The following USP51 variants were observed in gnomAD, a reference collection of about 807,000 sequenced individuals.
The protein encoded by USP51 is ubiquitin specific peptidase 51, also known as ubiquitin carboxyl-terminal hydrolase 51.
USP51 carries 5 observed loss-of-function variants against 17.6 expected under a neutral mutation model. That is an observed-to-expected ratio of 0.28 (90% confidence interval 0.15 to 0.60). USP51 has a LOEUF of 0.60. Ranked by LOEUF, USP51 falls within the 20% of genes least tolerant of loss-of-function variation. USP51 has a pLI of 0.88. For missense variants in USP51, 459 were observed against 559.5 expected (o/e 0.82, Z 1.81); for synonymous variants, 248 against 216.1 (o/e 1.15, Z -1.29).
In USP51 at chrX:55,487,079, T is replaced by C; in HGVS notation, c.1861A>G (p.Met621Val). 3.3e-6 allele frequency: 4 copies of C among 1,212,066 alleles called. No homozygotes were observed. The highest frequency in any genetic ancestry group is 4.5e-6 in the Non-Finnish European group (4 of 895,588). Residue 621 changes from methionine (M) to valine (V), a missense_variant, in exon 3 of 3, where the codon ATG (methionine) becomes GTG (valine). This residue lies in a region of USP51 where 227 missense variants were observed against 365.5 expected (regional missense o/e 0.62). Coordinates refer to ENST00000500968, the MANE Select transcript of USP51 (RefSeq NM_201286.4). ...TFISFPLELD[M>V]TPFLASTKES... Reference sequence around the variant, plus strand: ...TTAGTAGAGGCCAAAAACGGAGTCATGTCCAGCTCCAAGGGAAAGGAGATA... The same window carrying C: ...TTAGTAGAGGCCAAAAACGGAGTCACGTCCAGCTCCAAGGGAAAGGAGATA...
rs2031328026 is a variant in USP51 at position 55,486,997 on chromosome X, T to G, written c.1943A>C (p.Lys648Thr). Residue 648 changes from lysine to threonine, a missense_variant, in exon 3 of 3, where the codon AAG becomes ACG. Physicochemically the swap from Lys to Thr is moderately conservative, Grantham distance 78. Coordinates refer to ENST00000500968, the MANE Select transcript of USP51 (RefSeq NM_201286.4). ...ATTAATCACTGCAAACAAGGAATAC[T>G]TATTCTCATTGGGCACACAATCTGT... Reference protein sequence around the residue: ...PPTDCVPNENKYSLFAVINHH... With the variant: ...PPTDCVPNENTYSLFAVINHH... 1 of 1,210,293 alleles carries G rather than the reference T, an allele frequency of 8.3e-7. No homozygotes were observed. Among genetic ancestry groups the G allele is most frequent in the African/African-American group, 1.7e-5 (1 of 57,192 alleles).
chrX:55,488,862 A>G lies in USP51; in HGVS notation c.78T>C (p.Ser26=), dbSNP rs772785133. The G allele has an allele frequency of 4.1e-6, 5 of 1,208,813 alleles. No homozygotes were observed. The South Asian group carries it at 7.1e-5, about 17-fold the overall frequency. The part of the protein sequence containing the change: ...RWISGGGGGA[S]PEEAVEKAGK... ...CCGCCTTCTCAACCGCCTCCTCAGG[A>G]GAGGCTCCTCCCCCACCTCCGGAGA... Residue 26 remains serine (S), a synonymous_variant, in exon 3 of 3, where the codon TCT becomes TCC. Coordinates refer to ENST00000500968, the MANE Select transcript of USP51 (RefSeq NM_201286.4).
Position 55,488,174 on chromosome X carries a change from CA to C in USP51, c.765del (p.Phe255LeufsTer20). On this transcript the variant is annotated frameshift_variant, in exon 3 of 3. Coordinates refer to ENST00000500968, the MANE Select transcript of USP51 (RefSeq NM_201286.4). LOFTEE classifies it low-confidence loss of function (END_TRUNC). ...TGAATATGTTTCTCAGTGAAGCAGCCAAAAAAGACACAGGAGAGACAAGAGT... is the reference window on the plus strand; with the variant it reads ...TGAATATGTTTCTCAGTGAAGCAGCCAAAAAGACACAGGAGAGACAAGAGT... The part of the protein sequence containing the change: ...RLHSCLSCVF[F>X]GCFTEKHIHK... The C allele has an allele frequency of 8.3e-7, 1 of 1,210,633 alleles. No individual in the cohort carries two copies. The highest frequency in any genetic ancestry group is 1.1e-6 in the Non-Finnish European group (1 of 895,181).
At position 55,488,987 on chromosome X, in the gene USP51, G is replaced by C. The variant is rs2031381552; in HGVS notation, c.-48C>G. The C allele has an allele frequency of 8.6e-6, 10 of 1,164,047 alleles. No individual in the cohort carries two copies. The highest frequency in any genetic ancestry group is 1.2e-5 in the Non-Finnish European group (10 of 869,441). The stretch of plus-strand genomic sequence containing the variant: ...AGCAAGGCGTCTGGAAAACAGCTGC[G>C]ACTGTAGATGAAAGGAGACAGAGAC... On this transcript the variant is annotated splice_region_variant and 5_prime_UTR_variant, in exon 3 of 3. Coordinates refer to ENST00000500968, the MANE Select transcript of USP51 (RefSeq NM_201286.4).
chrX:55,488,947 C>T lies in USP51; in HGVS notation c.-8G>A, dbSNP rs1390659180. On this transcript the variant is annotated 5_prime_UTR_variant, in exon 3 of 3. In the 5' UTR this introduces an upstream ATG that the reference lacks. Coordinates refer to ENST00000500968, the MANE Select transcript of USP51 (RefSeq NM_201286.4). ...TTCTCGAACCTGGGCCATCAGATCACTCCCCGACCTGAGGAGCAAGGCGTC... is the reference window on the plus strand; with the variant it reads ...TTCTCGAACCTGGGCCATCAGATCATTCCCCGACCTGAGGAGCAAGGCGTC... 14 of 1,197,262 alleles carry T rather than the reference C, an allele frequency of 1.2e-5. No homozygotes were observed. Among genetic ancestry groups the T allele is most frequent in the African/African-American group, 7.0e-5 (4 of 56,975 alleles).
In USP51 at chrX:55,485,444, G is replaced by T. The variant is rs1252761358; in HGVS notation, c.*1360C>A. The T allele has an allele frequency of 4.7e-5, 5 of 107,489 alleles. No homozygotes were observed. Among genetic ancestry groups the T allele is most frequent in the Admixed American group, 2.0e-4 (2 of 9,959 alleles). The allele number at this position is 107,489 out of a possible 1,213,427, so 8.9% of individuals were successfully genotyped here. On this transcript the variant is annotated 3_prime_UTR_variant, in exon 3 of 3. Coordinates refer to ENST00000500968, the MANE Select transcript of USP51 (RefSeq NM_201286.4). ...CAGCCATTTCACAATTGGATGGTAA[G>T]ATAATGATTAAAATGTCTATTTCCT...
chrX:55,488,299 A>G lies in USP51; in HGVS notation c.641T>C (p.Ile214Thr). Reference protein sequence around the residue: ...GKNWQKNLRLIYQRFVWSGTP... With the variant: ...GKNWQKNLRLTYQRFVWSGTP... Reference sequence around the variant, plus strand: ...CCCACTCCAAACGAAACGCTGGTAGATCAACCTCAGGTTCTTCTGCCAGTT... The same window carrying G: ...CCCACTCCAAACGAAACGCTGGTAGGTCAACCTCAGGTTCTTCTGCCAGTT... The change falls in exon 3 of 3, where the codon ATC becomes ACC. Residue 214 changes from isoleucine to threonine, a missense_variant. Coordinates refer to ENST00000500968, the MANE Select transcript of USP51 (RefSeq NM_201286.4). The G allele has an allele frequency of 8.3e-7, 1 of 1,212,044 alleles. No individual in the cohort carries two copies. The highest frequency in any genetic ancestry group is 1.1e-6 in the Non-Finnish European group (1 of 895,525).
In USP51 at chrX:55,487,121, G is replaced by C; in HGVS notation, c.1819C>G (p.Arg607Gly). The C allele has an allele frequency of 2.5e-6, 3 of 1,211,474 alleles. No homozygotes were observed. Among genetic ancestry groups the C allele is most frequent in the Non-Finnish European group, 3.4e-6 (3 of 895,419 alleles). The change falls in exon 3 of 3, where the codon CGA becomes GGA. Residue 607 changes from arginine to glycine, a missense_variant. This residue lies in a region of USP51 where 227 missense variants were observed against 365.5 expected (regional missense o/e 0.62). Transcript: ENST00000500968. The part of the protein sequence containing the change: ...KRFEHVGKQR[R>G]KINTFISFPL... ...AAGGAGATAAAGGTATTAATCTTTC[G>C]CCTCTGTTTGCCTACATGCTCAAAC...
rs1358663748 is a variant in USP51, at chrX:55,485,461, C to T, written c.*1343G>A. 9.3e-6 allele frequency: 1 copy of T among 107,090 alleles called. No individual in the cohort carries two copies. The highest frequency in any genetic ancestry group is 3.4e-5 in the African/African-American group (1 of 29,402). The allele number at this position is 107,090 out of a possible 1,213,427, so 8.8% of individuals were successfully genotyped here. On this transcript the variant is annotated 3_prime_UTR_variant, in exon 3 of 3. Coordinates refer to ENST00000500968, the MANE Select transcript of USP51 (RefSeq NM_201286.4). ...GATGGTAAGATAATGATTAAAATGT[C>T]TATTTCCTTTTCCAACGTATATTGA... is the stretch of plus-strand genomic sequence containing the variant.
At position 55,488,053 on chromosome X, in the gene USP51, T is replaced by C. The variant is rs201140502; in HGVS notation, c.887A>G (p.Asp296Gly). 5.0e-5 allele frequency: 60 copies of C among 1,210,194 alleles called. No individual in the cohort carries two copies. Among genetic ancestry groups the C allele is most frequent in the Non-Finnish European group, 6.7e-5 (60 of 895,152 alleles). ...FMCKDYVYDK[D>G]IEQIAKETKE... is the part of the protein sequence containing the mutation. Reference sequence around the variant, plus strand: ...TGTTTCTTTGGCAATCTGTTCTATGTCTTTGTCATATACATAATCCTTACA... The same window carrying C: ...TGTTTCTTTGGCAATCTGTTCTATGCCTTTGTCATATACATAATCCTTACA... Residue 296 changes from aspartate to glycine, a missense_variant, in exon 3 of 3, where the codon GAC (aspartate) becomes GGC (glycine). Asp to Gly is a moderately conservative substitution (Grantham distance 94, BLOSUM62 -1). Around this residue, in one of 2 missense-constraint regions of USP51, gnomAD observed 227 missense variants for 365.5 expected, o/e 0.62. Transcript: ENST00000500968.
chrX:55,485,274 A>T lies in USP51; in HGVS notation c.*1530T>A, dbSNP rs2031297450. The T allele has an allele frequency of 9.0e-6, 1 of 111,616 alleles. No homozygotes were observed. Among genetic ancestry groups the T allele is most frequent in the Admixed American group, 9.5e-5 (1 of 10,493 alleles). 9.2% of individuals were successfully genotyped at this position (111,616 alleles called of 1,213,427 possible). On this transcript the variant is annotated 3_prime_UTR_variant, in exon 3 of 3. Coordinates refer to ENST00000500968, the MANE Select transcript of USP51 (RefSeq NM_201286.4). ...AGCTAAGAATTTGTATGAATAATGC[A>T]GTTCTAAATGGGAAAGTCCCTAATG...
At position 55,487,085 on chromosome X, in the gene USP51, G is replaced by C; in HGVS notation, c.1855C>G (p.Leu619Val). 1 of 1,211,916 alleles carries C rather than the reference G, an allele frequency of 8.3e-7. No homozygotes were observed. The highest frequency in any genetic ancestry group is 1.7e-5 in the African/African-American group (1 of 57,807). Residue 619 changes from leucine (L) to valine (V), a missense_variant, in exon 3 of 3, where the codon CTG becomes GTG. Physicochemically the swap from Leu to Val is conservative, Grantham distance 32 (BLOSUM62 1). Coordinates refer to ENST00000500968, the MANE Select transcript of USP51 (RefSeq NM_201286.4). ...INTFISFPLELDMTPFLASTK... is the reference protein window; with the variant it reads ...INTFISFPLEVDMTPFLASTK... ...GAGGCCAAAAACGGAGTCATGTCCA[G>C]CTCCAAGGGAAAGGAGATAAAGGTA... is the stretch of plus-strand genomic sequence containing the variant.
Position 55,488,055 on chromosome X carries a change from T to C in USP51, c.885A>G (p.Lys295=), listed in dbSNP as rs780525772. 3 of 1,211,804 alleles carry C rather than the reference T, an allele frequency of 2.5e-6. No individual in the cohort carries two copies. The Admixed American group carries it at 6.5e-5, about 26-fold the overall frequency. The change falls in exon 3 of 3, where the codon AAA becomes AAG. Residue 295 remains lysine (K), a synonymous_variant. Coordinates refer to ENST00000500968, the MANE Select transcript of USP51 (RefSeq NM_201286.4). ...TTTCTTTGGCAATCTGTTCTATGTC[T>C]TTGTCATATACATAATCCTTACACA... The part of the protein sequence containing the change: ...CFMCKDYVYD[K]DIEQIAKETK...
Position 55,486,759 on chromosome X carries a change from C to T in USP51, c.*45G>A, listed in dbSNP as rs2031324033. 1 of 1,150,837 alleles carries T rather than the reference C, an allele frequency of 8.7e-7. No homozygotes were observed. Among genetic ancestry groups the T allele is most frequent in the Admixed American group, 2.8e-5 (1 of 36,289 alleles). 94.8% of individuals were successfully genotyped at this position (1,150,837 alleles called of 1,213,427 possible). A position where few individuals can be genotyped will look rare whatever the true frequency, so the allele number is the denominator to read the frequency against. On this transcript the variant is annotated 3_prime_UTR_variant, in exon 3 of 3. Transcript: ENST00000500968. ...TAGGTCTGTGTGTCACTTCAAAATC[C>T]TTGCCTAATCATTTACTTTTTTTTC... is the stretch of plus-strand genomic sequence containing the variant.
In USP51 at chrX:55,486,659, G is replaced by T; in HGVS notation, c.*145C>A. 1.2e-6 allele frequency: 1 copy of T among 804,662 alleles called. No individual in the cohort carries two copies. Among genetic ancestry groups the T allele is most frequent in the Non-Finnish European group, 1.7e-6 (1 of 585,752 alleles). 66.3% of individuals were successfully genotyped at this position (804,662 alleles called of 1,213,427 possible). On this transcript the variant is annotated 3_prime_UTR_variant, in exon 3 of 3. Coordinates refer to ENST00000500968, the MANE Select transcript of USP51 (RefSeq NM_201286.4). ...ATTTTTTTCTTCCGACAGACCCATGGGCCATGCTAAAATAGGTTCTTTATA... is the reference window on the plus strand; with the variant it reads ...ATTTTTTTCTTCCGACAGACCCATGTGCCATGCTAAAATAGGTTCTTTATA...
In USP51 at chrX:55,486,955, T is replaced by C. The variant is rs1351383078; in HGVS notation, c.1985A>G (p.Glu662Gly). The change falls in exon 3 of 3, where the codon GAA (glutamate) becomes GGA (glycine). Residue 662 changes from glutamate to glycine, a missense_variant. By Grantham distance (98) the Glu-to-Gly change is moderately conservative. Coordinates refer to ENST00000500968, the MANE Select transcript of USP51 (RefSeq NM_201286.4). The part of the protein sequence containing the change: ...FAVINHHGTL[E>G]SGHYTSFIRQ... ...GATGAAGCTGGTATAGTGGCCACTT[T>C]CCAAAGTTCCATGGTGATTAATCAC... 1 of 1,209,945 alleles carries C rather than the reference T, an allele frequency of 8.3e-7. No homozygotes were observed. The highest frequency in any genetic ancestry group is 1.1e-6 in the Non-Finnish European group (1 of 895,239).
At position 55,488,465 on chromosome X, in the gene USP51, T is replaced by C. The variant is rs1236116200; in HGVS notation, c.475A>G (p.Arg159Gly). Residue 159 changes from arginine (R) to glycine (G), a missense_variant, in exon 3 of 3, where the codon AGG (arginine) becomes GGG (glycine). Physicochemically the swap from Arg to Gly is moderately radical, Grantham distance 125. Around this residue, in one of 2 missense-constraint regions of USP51, gnomAD observed 232 missense variants for 194.0 expected, o/e 1.20. Coordinates refer to ENST00000500968, the MANE Select transcript of USP51 (RefSeq NM_201286.4). ...GSRRRSRPGSRPQTRRSCSGD... is the reference protein window; with the variant it reads ...GSRRRSRPGSGPQTRRSCSGD... ...GAGCAGCTTCTCCGTGTCTGAGGCCTGGACCCAGGCCGGGATCTGCGCCGG... is the reference window on the plus strand; with the variant it reads ...GAGCAGCTTCTCCGTGTCTGAGGCCCGGACCCAGGCCGGGATCTGCGCCGG... The C allele has an allele frequency of 4.1e-6, 5 of 1,205,759 alleles. No homozygotes were observed. The Admixed American group carries it at 6.6e-5, about 16-fold the overall frequency.
chrX:55,487,369 G>A lies in USP51; in HGVS notation c.1571C>T (p.Thr524Ile). Residue 524 changes from threonine to isoleucine, a missense_variant, in exon 3 of 3, where the codon ACA becomes ATA. Transcript: ENST00000500968. ...ISLDLPGSCATFDSQNPERAD... is the reference protein window; with the variant it reads ...ISLDLPGSCAIFDSQNPERAD... ...CCTCTCTGGGTTCTGGGAATCGAAT[G>A]TGGCACAAGAGCCAGGCAAGTCCAA... 1 of 1,212,070 alleles carries A rather than the reference G, an allele frequency of 8.3e-7. No individual in the cohort carries two copies. The highest frequency in any genetic ancestry group is 1.1e-6 in the Non-Finnish European group (1 of 895,626).
chrX:55,488,122 T>C lies in USP51; in HGVS notation c.818A>G (p.His273Arg). The C allele has an allele frequency of 8.2e-7, 1 of 1,212,310 alleles. No individual in the cohort carries two copies. Among genetic ancestry groups the C allele is most frequent in the Non-Finnish European group, 1.1e-6 (1 of 895,636 alleles). ...IHKHAETKQH[H>R]LAVDLYHGVI... ...CCCATGATAAAGGTCTACAGCTAAA[T>C]GGTGCTGCTTTGTTTCTGCATGTTT... is the stretch of plus-strand genomic sequence containing the variant. The change falls in exon 3 of 3, where the codon CAT becomes CGT. Residue 273 changes from histidine (H) to arginine (R), a missense_variant. This residue lies in a region of USP51 where 227 missense variants were observed against 365.5 expected (regional missense o/e 0.62). Coordinates refer to ENST00000500968, the MANE Select transcript of USP51 (RefSeq NM_201286.4).
Sources: gnomAD v4.1 joint callset for allele counts on GRCh38, gnomAD v4.1.1 for gene constraint, gnomAD v4.1.1 regional missense constraint, MANE v1.5 for transcripts, NCBI Gene and HGNC (gene_info 2026-07-23, HGNC 2026-07-21) for gene names.